The following TNFSF4 variants were observed in gnomAD, a reference collection of about 807,000 sequenced individuals.
The protein encoded by TNFSF4 is tumor necrosis factor ligand superfamily member 4.
TNFSF4 carries 4 observed loss-of-function variants against 7.3 expected under a neutral mutation model. That is an observed-to-expected ratio of 0.55 (90% CI 0.27 to 1.25). The LOEUF (loss-of-function observed/expected upper bound fraction) is 1.25. TNFSF4 is among the 50% of genes most tolerant of loss of function. The pLI is 0.12. For missense variants in TNFSF4, 181 were observed against 208.8 expected (o/e 0.87, Z 0.82); for synonymous variants, 76 against 83.7 (o/e 0.91, Z 0.50).
chr1:173,387,578 GGTTGA>G, the TNFSF4 span, among the ~76,000 whole-genome samples: 2 of 152,184 alleles, frequency 1.3e-5, no homozygotes, highest in Non-Finnish European at 2.9e-5. Flanking sequence ...TTGAAAGACA[GGTTGA>G]GTTAAGAGAT....
the TNFSF4 span, among the ~76,000 whole-genome samples, chr1:173,384,168 G>A: frequency 2.0e-5 from 3 of 152,208 alleles, no homozygotes; most frequent in Admixed American, 2.0e-4. Context: ...GTGAGGAACT[G>A]CTCCATCAGT....
At chr1:173,294,095 C>A in the TNFSF4 span, among the ~76,000 whole-genome samples, 1 of 152,022 alleles carries the variant, frequency 6.6e-6, no homozygotes, top group Non-Finnish European at 1.5e-5. Context: ...CCAGCAATCC[C>A]ATTACTGGTA....
the TNFSF4 span, among the ~76,000 whole-genome samples, chr1:173,343,141 T>C: frequency 2.0e-5 from 3 of 152,216 alleles, no homozygotes; most frequent in Non-Finnish European, 4.4e-5. Context: ...GAAATTTCTA[T>C]GTGCCAGCAC....
the TNFSF4 span, among the ~76,000 whole-genome samples, chr1:173,380,399 A>G: frequency 1.3e-5 from 2 of 152,102 alleles, no homozygotes; most frequent in Non-Finnish European, 2.9e-5. Flanking sequence ...CACCCAGTCC[A>G]AATCAGGCTA....
At chr1:173,368,351 C>T in the TNFSF4 span, among the ~76,000 whole-genome samples, 1 of 152,142 alleles carries the variant, frequency 6.6e-6, no homozygotes, top group Non-Finnish European at 1.5e-5. Context: ...TTGAAGTCAG[C>T]GAGACCACAA....
At chr1:173,348,996 T>C in the TNFSF4 span, among the ~76,000 whole-genome samples, 1 of 152,168 alleles carries the variant, frequency 6.6e-6, no homozygotes, top group Admixed American at 6.5e-5. Context: ...CATCTTCACT[T>C]TAAGTTTCCC....
the TNFSF4 span, among the ~76,000 whole-genome samples, chr1:173,433,524 A>C: frequency 1.4e-5 from 2 of 147,874 alleles, no homozygotes; most frequent in African/African-American, 2.5e-5. Context: ...GCGAAACCCT[A>C]TCTCTACAAA....
the TNFSF4 span, among the ~76,000 whole-genome samples, chr1:173,443,492 ATAT>A: frequency 3.3e-5 from 5 of 152,222 alleles, no homozygotes; most frequent in African/African-American, 4.8e-5. Context: ...TTTTCAAGAT[ATAT>A]TATTAAGGGA....
the TNFSF4 span, among the ~76,000 whole-genome samples, chr1:173,372,468 A>C: frequency 6.6e-6 from 1 of 152,214 alleles, no homozygotes; most frequent in Non-Finnish European, 1.5e-5. Context: ...GAGAGTGGGA[A>C]TAGCTCTTGG....
chr1:173,407,659 T>A, the TNFSF4 span, among the ~76,000 whole-genome samples: 57 of 151,510 alleles, frequency 3.8e-4, no homozygotes, highest in South Asian at 1.3e-3. Context: ...CAGCATGAAT[T>A]CATGCTTTCC....
chr1:173,202,070 T>C (rs920200777), intron 1 of TNFSF4, among the ~76,000 whole-genome samples: 12 of 149,660 alleles, frequency 8.0e-5, no homozygotes, highest in South Asian at 4.2e-4. Flanking sequence ...TATATATATA[T>C]ACACACACAC....
chr1:173,258,728 C>T, the TNFSF4 span, among the ~76,000 whole-genome samples: 1 of 152,296 alleles, frequency 6.6e-6, no homozygotes, highest in African/African-American at 2.4e-5. Flanking sequence ...GCAGCTGTGG[C>T]AGATTGTGGT....
the TNFSF4 span, chr1:173,175,435 T>G: frequency 6.6e-6 from 1 of 152,238 alleles, no homozygotes; most frequent in Admixed American, 6.5e-5. Context: ...GCCCTCAAAT[T>G]TAATAAATCT....
chr1:173,249,687 T>C, the TNFSF4 span, among the ~76,000 whole-genome samples: 21 of 152,230 alleles, frequency 1.4e-4, no homozygotes, highest in Non-Finnish European at 7.3e-5. Flanking sequence ...TAACAGTTCA[T>C]GTGCCAGGAC....
At chr1:173,281,311 G>C in the TNFSF4 span, among the ~76,000 whole-genome samples, 1 of 152,132 alleles carries the variant, frequency 6.6e-6, no homozygotes. Flanking sequence ...CACTCTGAAT[G>C]GAAAGAGCCC....
At chr1:173,344,807 A>C in the TNFSF4 span, among the ~76,000 whole-genome samples, 1 of 152,244 alleles carries the variant, frequency 6.6e-6, no homozygotes, top group Non-Finnish European at 1.5e-5. Flanking sequence ...CATAAAAATA[A>C]TTTTAGAAGT....
At chr1:173,268,576 T>A in the TNFSF4 span, among the ~76,000 whole-genome samples, 1 of 151,656 alleles carries the variant, frequency 6.6e-6, no homozygotes, top group Admixed American at 6.6e-5. Context: ...ATGAAACTCT[T>A]AAAAAATGTG....
At chr1:173,268,781 G>T in the TNFSF4 span, among the ~76,000 whole-genome samples, 1 of 152,106 alleles carries the variant, frequency 6.6e-6, no homozygotes, top group South Asian at 2.1e-4. Flanking sequence ...AAAGTAAAAG[G>T]ATGGGGAAAG....
chr1:173,348,154 T>G, the TNFSF4 span, among the ~76,000 whole-genome samples: 1 of 152,194 alleles, frequency 6.6e-6, no homozygotes, highest in Admixed American at 6.5e-5. Context: ...CACCCAAATC[T>G]CATCTTGAAT....
Sources: gnomAD v4.1 joint callset for allele counts (sites outside exome capture counted in the v4.1 genomes callset) on GRCh38, gnomAD v4.1.1 for gene constraint, MANE v1.5 for transcripts, NCBI Gene and HGNC (gene_info 2026-07-23, HGNC 2026-07-21) for gene names.